The following TLK1 variants were observed in gnomAD, a reference collection of about 807,000 sequenced individuals.
The protein encoded by TLK1 is serine/threonine-protein kinase tousled-like 1.
In TLK1, 24 loss-of-function variants were observed where a neutral mutation model predicts 105.3. The ratio of observed to expected loss-of-function variants is 0.23; its 90% confidence interval spans 0.17 to 0.32. The LOEUF is 0.32. Ranked by LOEUF, TLK1 falls within the 10% of genes least tolerant of loss-of-function variation. The pLI, the probability that TLK1 is intolerant of heterozygous loss-of-function variation, is 1.00. For synonymous variants in TLK1, 321 were observed against 310.4 expected, an observed-to-expected ratio of 1.03 and a Z score of -0.36; for missense variants, 558 against 910.5, an observed-to-expected ratio of 0.61 and a Z score of 4.98.
At chr2:171,132,122 T>C (rs377658533) in intron 1 of TLK1, among the ~76,000 whole-genome samples, 5 of 152,190 alleles carry the variant, frequency 3.3e-5, no homozygotes, top group African/African-American at 7.2e-5. Context: ...AGAGGTTTAA[T>C]TGACTCACAG....
In TLK1 at chr2:171,061,128, G is replaced by C. The variant is rs778568596; in HGVS notation, c.359C>G (p.Ser120Cys). 64 of 1,613,316 alleles carry C rather than the reference G, an allele frequency of 4.0e-5. No individual in the cohort carries two copies. The highest frequency in any genetic ancestry group is 1.8e-4 in the Admixed American group (11 of 59,976). Residue 120 changes from serine (S) to cysteine (C), a missense_variant, in exon 4 of 21, where the codon TCC becomes TGC. Around this residue, in one of 5 missense-constraint regions of TLK1, gnomAD observed 13 missense variants for 39.9 expected, o/e 0.33. Transcript: ENST00000431350. ...ETPEKKQSES[S>C]RGRKRKAENQ... is the part of the protein sequence containing the mutation. ...TTCTGCTTTTCTCTTTCTTCCCCTGGATGATTCCGATTGTTTCTTCTCCGG... is the reference window on the plus strand; with the variant it reads ...TTCTGCTTTTCTCTTTCTTCCCCTGCATGATTCCGATTGTTTCTTCTCCGG...
intron 11 of TLK1, among the ~76,000 whole-genome samples, chr2:171,028,731 T>C (rs1211601549): frequency 6.6e-6 from 1 of 152,264 alleles, no homozygotes; most frequent in Admixed American, 6.5e-5. Context: ...AGTGATGTTC[T>C]AGAATTTATA....
intron 1 of TLK1, among the ~76,000 whole-genome samples, chr2:171,202,478 AG>A (rs1426587370): frequency 2.0e-5 from 3 of 151,062 alleles, no homozygotes; most frequent in African/African-American, 7.3e-5. Context: ...TTTCCCTGCC[AG>A]GCGCAGCAGT....
At chr2:171,056,682 T>G (rs922650300) in intron 5 of TLK1, 116 bp from the exon 6 acceptor site, 3 of 737,570 alleles carry the variant, frequency 4.1e-6, no homozygotes, top group African/African-American at 3.9e-5. Flanking sequence ...AGTAGTCATT[T>G]AAATGGGTCC....
At position 171,160,838 on chromosome 2, in the gene TLK1, G is replaced by GGTA. The variant is rs1692467789; in HGVS notation, c.-411_-410insTAC. ...AGTGCGTCGGCCCCCGGCGTCGCCC[G>GGTA]GGAGGCGGCGGCGGCGGGCTGTGGG... On this transcript the variant is annotated 5_prime_UTR_variant, in exon 1 of 21. Transcript: ENST00000431350. The surrounding 1 kb of genome is among the most constrained non-coding windows in gnomAD (Gnocchi z 4.4). 1 of 327,374 alleles carries GGTA rather than the reference G, an allele frequency of 3.1e-6. No homozygotes were observed. Among genetic ancestry groups the GGTA allele is most frequent in the South Asian group, 1.4e-4 (1 of 7,038 alleles). 20.3% of individuals were successfully genotyped at this position (327,374 alleles called of 1,614,324 possible). A position where few individuals can be genotyped will look rare whatever the true frequency, so the allele number is the denominator to read the frequency against.
intron 3 of TLK1, among the ~76,000 whole-genome samples, chr2:171,070,183 A>AT (rs891117026): frequency 4.9e-4 from 72 of 147,068 alleles, no homozygotes; most frequent in African/African-American, 1.0e-3. Context: ...TCCTTTTTAA[A>AT]TTTTTTTTTT....
At chr2:171,088,765 A>G (rs1689092401) in intron 2 of TLK1, among the ~76,000 whole-genome samples, 2 of 152,356 alleles carry the variant, frequency 1.3e-5, no homozygotes, top group South Asian at 4.1e-4. Context: ...CACTAAAAAC[A>G]AAGTGGGAGG....
chr2:171,165,756 C>G (rs1428325543), upstream of TLK1, among the ~76,000 whole-genome samples: 2 of 152,100 alleles, frequency 1.3e-5, no homozygotes, highest in Non-Finnish European at 1.5e-5. Flanking sequence ...ACTAAAAATA[C>G]AAAAATTAGC....
rs566563996 is a variant in TLK1 at position 171,223,859 on chromosome 2, C to G, written c.-6+7286G>C. ...CTCCTTGTATATTCTGGTTATTCATCGCTTGTTAGATGGGTAGTTATATGT... is the reference window on the plus strand; with the variant it reads ...CTCCTTGTATATTCTGGTTATTCATGGCTTGTTAGATGGGTAGTTATATGT... On this transcript the variant is annotated intron_variant, in intron 1 of 20. Transcript: ENST00000521943. Among the ~76,000 whole-genome samples the G allele has an allele frequency of 8.7e-5, 13 of 148,926 alleles. No individual in the cohort carries two copies. In the South Asian group the frequency reaches 2.5e-3, roughly 29 times the overall value.
chr2:171,080,051 T>G (rs1001878898), intron 3 of TLK1, among the ~76,000 whole-genome samples: 4 of 151,776 alleles, frequency 2.6e-5, no homozygotes, highest in Admixed American at 2.0e-4. Context: ...TAATAAACTG[T>G]CTGGGCACGG....
intron 1 of TLK1, among the ~76,000 whole-genome samples, chr2:171,140,564 A>G (rs538307025): frequency 2.4e-4 from 37 of 152,350 alleles, no homozygotes; most frequent in Non-Finnish European, 5.3e-4. Context: ...TCAACCTCAG[A>G]GCAAAAGAAT....
At chr2:170,995,849 C>T (rs1241986619) in intron 20 of TLK1, among the ~76,000 whole-genome samples, 10 of 152,208 alleles carry the variant, frequency 6.6e-5, no homozygotes, top group African/African-American at 1.2e-4. Context: ...ACTAAAGGCA[C>T]GGGCCCCTAC....
chr2:171,129,783 T>C (rs890458161), intron 1 of TLK1, among the ~76,000 whole-genome samples: 1 of 151,966 alleles, frequency 6.6e-6, no homozygotes, highest in Non-Finnish European at 1.5e-5. Context: ...TAGTAAGCTG[T>C]GAAATGCTGC....
intron 11 of TLK1, among the ~76,000 whole-genome samples, chr2:171,029,743 T>C (rs1368727344): frequency 6.6e-6 from 1 of 152,216 alleles, no homozygotes; most frequent in Admixed American, 6.5e-5. Context: ...CAGTTTAATG[T>C]ATGCAGAACT....
intron 1 of TLK1, among the ~76,000 whole-genome samples, chr2:171,144,903 CAA>C (rs1691729484): frequency 6.6e-6 from 1 of 152,156 alleles, no homozygotes; most frequent in Non-Finnish European, 1.5e-5. Flanking sequence ...GACAAATGAA[CAA>C]AAGATTTGAA....
At chr2:171,161,267 CCT>C (rs1347527075), upstream of TLK1, among the ~76,000 whole-genome samples, 1 of 151,778 alleles carries the variant, frequency 6.6e-6, no homozygotes, top group Non-Finnish European at 1.5e-5. Flanking sequence ...CGGAAGCGCG[CCT>C]CTCTCCTGAC....
chr2:171,028,452 GTTTA>G, intron 11 of TLK1, 47 bp from the exon 12 acceptor site: 1 of 1,261,484 alleles, frequency 7.9e-7, no homozygotes, highest in Non-Finnish European at 1.1e-6. Context: ...TTAATACTTA[GTTTA>G]TTAACAACTA....
At chr2:171,021,433 CTT>C (rs531522490) in intron 12 of TLK1, among the ~76,000 whole-genome samples, 10 of 116,806 alleles carry the variant, frequency 8.6e-5, no homozygotes, top group Admixed American at 3.5e-4. Flanking sequence ...CCCGCCCCGA[CTT>C]TTTTTTTTTT....
intron 1 of TLK1, among the ~76,000 whole-genome samples, chr2:171,202,400 C>T (rs907096728): frequency 1.3e-5 from 2 of 151,024 alleles, no homozygotes; most frequent in African/African-American, 2.4e-5. Flanking sequence ...TGCGGTGAGC[C>T]GGGATCGCGC....
Sources: gnomAD v4.1 joint callset for allele counts (sites outside exome capture counted in the v4.1 genomes callset) on GRCh38, gnomAD v4.1.1 for gene constraint, gnomAD v4.1.1 regional missense constraint, Gnocchi (gnomAD v3.1) non-coding constraint, MANE v1.5 for transcripts, NCBI Gene and HGNC (gene_info 2026-07-23, HGNC 2026-07-21) for gene names.